SPATA17: variants seen among roughly 807,000 people sequenced by gnomAD.
SPATA17 encodes spermatogenesis-associated protein 17.
In SPATA17, 53 loss-of-function variants were observed where a neutral mutation model predicts 62.2. That is an observed-to-expected ratio of 0.85 (90% CI 0.68 to 1.07). The LOEUF is 1.07. SPATA17 is among the 50% of genes least tolerant of loss of function. The pLI is 0.00. For synonymous variants in SPATA17, 146 were observed against 146.8 expected, an observed-to-expected ratio of 0.99 and a Z score of 0.04; for missense variants, 466 against 425.5, an observed-to-expected ratio of 1.10 and a Z score of -0.84.
At position 217,821,766 on chromosome 1, in the gene SPATA17, A is replaced by G. The variant is rs539677244; in HGVS notation, c.1005+19916A>G. On this transcript the variant is annotated intron_variant, in intron 9 of 10. Transcript: ENST00000366933. ...TTTAACTGGTATCCTCCGATTTTATATTAATTTGTCTTTTAAATTAATTTC... is the reference window on the plus strand; with the variant it reads ...TTTAACTGGTATCCTCCGATTTTATGTTAATTTGTCTTTTAAATTAATTTC... Among the ~76,000 whole-genome samples the G allele has an allele frequency of 5.9e-5, 9 of 152,216 alleles. No homozygotes were observed. The South Asian group carries it at 1.9e-3, about 32-fold the overall frequency.
intron 5 of SPATA17, among the ~76,000 whole-genome samples, chr1:217,707,781 C>G (rs1490716717): frequency 6.6e-6 from 1 of 152,180 alleles, no homozygotes; most frequent in East Asian, 1.9e-4. Context: ...GGTACATACT[C>G]TAAAATTGAC....
chr1:217,783,915 G>A (rs1225918489), intron 8 of SPATA17, among the ~76,000 whole-genome samples: 1 of 151,850 alleles, frequency 6.6e-6, no homozygotes. Flanking sequence ...TTGCTCTGAG[G>A]CTTTCCGAGA....
intron 1 of SPATA17, among the ~76,000 whole-genome samples, chr1:217,647,693 CAG>C (rs1670217199): frequency 6.6e-6 from 1 of 151,866 alleles, no homozygotes. Context: ...AATATGATGC[CAG>C]AATTCACTTT....
At chr1:217,660,427 A>G (rs1451614563) in intron 3 of SPATA17, among the ~76,000 whole-genome samples, 1 of 152,212 alleles carries the variant, frequency 6.6e-6, no homozygotes, top group Non-Finnish European at 1.5e-5. Flanking sequence ...TGGATAAATG[A>G]TTCACAGGGA....
At chr1:217,666,599 T>A (rs1340092080) in intron 3 of SPATA17, among the ~76,000 whole-genome samples, 1 of 152,180 alleles carries the variant, frequency 6.6e-6, no homozygotes, top group Non-Finnish European at 1.5e-5. Flanking sequence ...CAATCATTTT[T>A]AACTGTATTA....
rs1451540428 is a variant in SPATA17, at chr1:217,869,828, AGAGGGG to A, written c.*2810_*2815del. Reference sequence around the variant, plus strand: ...AACTTTGGAATACCCTTGGCCAAGAAGAGGGGTCCATGCAGATGTTTGGAGGGGGGG... The same window carrying A: ...AACTTTGGAATACCCTTGGCCAAGAATCCATGCAGATGTTTGGAGGGGGGG... On this transcript the variant is annotated 3_prime_UTR_variant, in exon 11 of 11. Coordinates refer to ENST00000366933, the MANE Select transcript of SPATA17 (RefSeq NM_138796.4). 6.6e-6 allele frequency: 1 copy of A among 152,050 alleles called. No individual in the cohort carries two copies. The highest frequency in any genetic ancestry group is 2.4e-5 in the African/African-American group (1 of 41,388). The allele number at this position is 152,050 out of a possible 1,614,324, so 9.4% of individuals were successfully genotyped here.
rs1194877470 is a variant in SPATA17, at chr1:217,869,074, A to G, written c.*2055A>G. 6.6e-6 allele frequency: 1 copy of G among 152,274 alleles called. No homozygotes were observed. Among genetic ancestry groups the G allele is most frequent in the Non-Finnish European group, 1.5e-5 (1 of 68,096 alleles). 9.4% of individuals were successfully genotyped at this position (152,274 alleles called of 1,614,324 possible). Reference sequence around the variant, plus strand: ...ACCTGTCAGTACAGGTCCTGACAACATGTGTCCAAGGTGGTCAAGCTATAC... The same window carrying G: ...ACCTGTCAGTACAGGTCCTGACAACGTGTGTCCAAGGTGGTCAAGCTATAC... On this transcript the variant is annotated 3_prime_UTR_variant, in exon 11 of 11. Coordinates refer to ENST00000366933, the MANE Select transcript of SPATA17 (RefSeq NM_138796.4).
Position 217,643,980 on chromosome 1 carries a change from G to A in SPATA17, c.69-4902G>A, listed in dbSNP as rs1264473600. Among the ~76,000 whole-genome samples, 6 of 152,026 alleles carry A rather than the reference G, an allele frequency of 3.9e-5. No homozygotes were observed. The East Asian group carries it at 9.7e-4, about 24-fold the overall frequency. ...TGACCTCAGGTGATCTGCCCACCTCGGCCCCCAAAGTTCTGGGATTACAGG... is the reference window on the plus strand; with the variant it reads ...TGACCTCAGGTGATCTGCCCACCTCAGCCCCCAAAGTTCTGGGATTACAGG... On this transcript the variant is annotated intron_variant, in intron 1 of 10. Coordinates refer to ENST00000366933, the MANE Select transcript of SPATA17 (RefSeq NM_138796.4).
chr1:217,690,573 T>TATACATATAGTG (rs1671328431), intron 5 of SPATA17, among the ~76,000 whole-genome samples: 2 of 143,256 alleles, frequency 1.4e-5, no homozygotes, highest in African/African-American at 5.1e-5. Context: ...TGTGCCATGC[T>TATACATATAGTG]GGTGCGCTGC....
chr1:217,645,060 A>T (rs928037464), intron 1 of SPATA17, among the ~76,000 whole-genome samples: 2 of 152,050 alleles, frequency 1.3e-5, no homozygotes, highest in Non-Finnish European at 2.9e-5. Flanking sequence ...TTTTGTTTTT[A>T]AGCAGTTAAA....
At chr1:217,782,715 C>T (rs1176904422) in intron 8 of SPATA17, among the ~76,000 whole-genome samples, 1 of 152,040 alleles carries the variant, frequency 6.6e-6, no homozygotes, top group East Asian at 1.9e-4. Flanking sequence ...ATTGACATAA[C>T]ATTGTAGTTT....
chr1:217,809,673 A>G (rs771303946), intron 9 of SPATA17, among the ~76,000 whole-genome samples: 2 of 152,166 alleles, frequency 1.3e-5, no homozygotes, highest in African/African-American at 2.4e-5. Flanking sequence ...GCACCAAGCA[A>G]TTTACGAGGT....
At chr1:217,808,783 A>T (rs1674508833) in intron 9 of SPATA17, among the ~76,000 whole-genome samples, 1 of 151,790 alleles carries the variant, frequency 6.6e-6, no homozygotes, top group Non-Finnish European at 1.5e-5. Context: ...TGAACCTGGG[A>T]AGCAGAGGTT....
At chr1:217,817,374 A>G (rs938996095) in intron 9 of SPATA17, among the ~76,000 whole-genome samples, 2 of 152,078 alleles carry the variant, frequency 1.3e-5, no homozygotes, top group Non-Finnish European at 2.9e-5. Context: ...TGACAGTTTT[A>G]TAAGAGGTTT....
intron 10 of SPATA17, among the ~76,000 whole-genome samples, chr1:217,864,504 T>C (rs1675967566): frequency 6.6e-6 from 1 of 152,096 alleles, no homozygotes; most frequent in Non-Finnish European, 1.5e-5. Context: ...TGTGTATACA[T>C]ATATACATAT....
chr1:217,679,154 CTATAA>C (rs1172742420), intron 4 of SPATA17, among the ~76,000 whole-genome samples: 1 of 152,002 alleles, frequency 6.6e-6, no homozygotes, highest in African/African-American at 2.4e-5. Flanking sequence ...ACTAGTCTCC[CTATAA>C]TATAAGAAAA....
intron 3 of SPATA17, among the ~76,000 whole-genome samples, chr1:217,666,084 A>G (rs1418703213): frequency 6.6e-6 from 1 of 152,188 alleles, no homozygotes; most frequent in Non-Finnish European, 1.5e-5. Context: ...TGTTTCCACT[A>G]CAATAAAACC....
At position 217,712,973 on chromosome 1, in the gene SPATA17, G is replaced by C. The variant is rs193225945; in HGVS notation, c.396-29002G>C. On this transcript the variant is annotated intron_variant, in intron 5 of 10. Coordinates refer to ENST00000366933, the MANE Select transcript of SPATA17 (RefSeq NM_138796.4). ...TGAGCTAGACTTGCAGGGCAATGCA[G>C]CTATTGCCAGAGGTGTTTGGCACCA... Among the ~76,000 whole-genome samples the C allele has an allele frequency of 4.7e-4, 72 of 152,278 alleles. No individual in the cohort carries two copies. The Middle Eastern group carries it at 0.02, about 43-fold the overall frequency.
intron 5 of SPATA17, among the ~76,000 whole-genome samples, chr1:217,729,329 A>G (rs1672343097): frequency 6.6e-6 from 1 of 152,232 alleles, no homozygotes; most frequent in African/African-American, 2.4e-5. Flanking sequence ...TTTCAAGGAC[A>G]TGAGTAGAGC....
Sources: gnomAD v4.1 joint callset for allele counts (sites outside exome capture counted in the v4.1 genomes callset) on GRCh38, gnomAD v4.1.1 for gene constraint, MANE v1.5 for transcripts, NCBI Gene and HGNC (gene_info 2026-07-23, HGNC 2026-07-21) for gene names.